KRT8: variants seen among roughly 807,000 people sequenced by gnomAD.
The protein encoded by KRT8 is keratin, type II cytoskeletal 8.
In KRT8, 24 loss-of-function variants were observed where a neutral mutation model predicts 43.0. The observed-to-expected ratio is 0.56, with a 90% CI of 0.40 to 0.78. The LOEUF (loss-of-function observed/expected upper bound fraction) is 0.78. Ranked by LOEUF, KRT8 falls within the 30% of genes least tolerant of loss-of-function variation. The probability of loss-of-function intolerance (pLI) is 0.00; values close to 1 mark genes in which losing one functional copy is unlikely to be tolerated. For synonymous variants in KRT8, 214 were observed against 261.2 expected (o/e 0.82, Z 1.74); for missense variants, 492 against 638.4 (o/e 0.77, Z 2.47).
chr12:52,934,694 T>A (rs1233935952), intron 2 of KRT8, among the ~76,000 whole-genome samples: 1 of 151,616 alleles, frequency 6.6e-6, no homozygotes, highest in East Asian at 1.9e-4. Flanking sequence ...ACAGGCCAGG[T>A]GCGGTGGCTC....
upstream of KRT8, among the ~76,000 whole-genome samples, chr12:52,909,952 T>C (rs1160348571): frequency 6.6e-6 from 1 of 152,164 alleles, no homozygotes; most frequent in African/African-American, 2.4e-5. Context: ...TTTTTCTTTT[T>C]TTTAGAGACA....
chr12:52,912,944 G>A (rs940438712), intron 2 of KRT8, among the ~76,000 whole-genome samples: 13 of 152,230 alleles, frequency 8.5e-5, no homozygotes, highest in African/African-American at 2.2e-4. Context: ...GCTGGGAAGC[G>A]CTTGCTTGCA....
chr12:52,915,113 C>T (rs1941709317), intron 2 of KRT8, among the ~76,000 whole-genome samples: 2 of 152,162 alleles, frequency 1.3e-5, no homozygotes, highest in South Asian at 4.1e-4. Flanking sequence ...GTGGCTCACG[C>T]CTGTAATCCC....
chr12:52,929,041 A>G (rs533600432), intron 2 of KRT8, among the ~76,000 whole-genome samples: 1 of 152,068 alleles, frequency 6.6e-6, no homozygotes, highest in Non-Finnish European at 1.5e-5. Context: ...CTCCTCCTAC[A>G]TCCCCAACCC....
intron 2 of KRT8, chr12:52,926,547 C>T: frequency 8.2e-7 from 1 of 1,217,116 alleles, no homozygotes; most frequent in Non-Finnish European, 1.2e-6. Context: ...CTATAGAGAC[C>T]CCAAGAATAG....
rs183054533 is a variant in KRT8, at chr12:52,922,410, C to T, written c.-46-17383G>A. Among the ~76,000 whole-genome samples, 17 of 152,258 alleles carry T rather than the reference C, an allele frequency of 1.1e-4. No homozygotes were observed. In the East Asian group the frequency reaches 2.5e-3, roughly 22 times the overall value. ...TGAGGAGGCCAGGCACGGTGGCTCACGCCTGTAATCCTAACACTTTAGGAG... is the reference window on the plus strand; with the variant it reads ...TGAGGAGGCCAGGCACGGTGGCTCATGCCTGTAATCCTAACACTTTAGGAG... On this transcript the variant is annotated intron_variant, in intron 2 of 6. Transcript: ENST00000546826.
At chr12:52,925,776 T>C (rs1026996212) in intron 2 of KRT8, among the ~76,000 whole-genome samples, 2 of 152,148 alleles carry the variant, frequency 1.3e-5, no homozygotes, top group Non-Finnish European at 2.9e-5. Flanking sequence ...CAGTTCTTAA[T>C]GGGGCCTAAT....
rs1555189967 is a variant in KRT8 at position 52,938,170 on chromosome 12, A to ATATATATATT, written c.-47+11285_-47+11286insAATATATATA. Among the ~76,000 whole-genome samples, 45 of 30,270 alleles carry ATATATATATT rather than the reference A, an allele frequency of 1.5e-3. 1 individual carries two copies. Among genetic ancestry groups the ATATATATATT allele is most frequent in the East Asian group, 5.7e-3 (5 of 872 alleles). The allele number at this position is 30,270 out of a possible 152,430, so 19.9% of individuals were successfully genotyped here. A position where few individuals can be genotyped will look rare whatever the true frequency, so the allele number is the denominator to read the frequency against. ...TATATATATATATATATATATATAT[A>ATATATATATT]TTTTTTTTTTTTTTTATATATAAGG... On this transcript the variant is annotated intron_variant, in intron 2 of 6. Coordinates refer to the KRT8 transcript ENST00000546826.
intron 7 of KRT8, 81 bp downstream of exon 7, chr12:52,898,380 C>G: frequency 8.0e-7 from 1 of 1,242,590 alleles, no homozygotes; most frequent in Non-Finnish European, 1.2e-6. Context: ...CTGTGAGCGA[C>G]TGAGCACAGC....
intron 2 of KRT8, among the ~76,000 whole-genome samples, chr12:52,931,826 C>A (rs1404355904): frequency 6.6e-6 from 1 of 152,028 alleles, no homozygotes; most frequent in Admixed American, 6.6e-5. Context: ...CCATGTCTGG[C>A]TAATTTTTGT....
intron 2 of KRT8, among the ~76,000 whole-genome samples, chr12:52,926,009 A>AG (rs2120679566): frequency 6.6e-6 from 1 of 152,184 alleles, no homozygotes; most frequent in Admixed American, 6.5e-5. Flanking sequence ...GCTCCCTCCT[A>AG]GCAGGCTGGT....
At chr12:52,918,100 GAAGAAGA>G (rs1409410967) in intron 2 of KRT8, among the ~76,000 whole-genome samples, 4 of 38,664 alleles carry the variant, frequency 1.0e-4, no homozygotes, top group African/African-American at 7.8e-4. Flanking sequence ...AGAAGAAGAG[GAAGAAGA>G]AGAAGAAGAA....
intron 2 of KRT8, among the ~76,000 whole-genome samples, chr12:52,935,323 G>A (rs1400788922): frequency 1.7e-4 from 22 of 131,648 alleles, no homozygotes; most frequent in African/African-American, 5.9e-4. Context: ...AGGTTGCAAT[G>A]AGTCGAGATC....
chr12:52,945,654 T>A (rs563334073), intron 2 of KRT8, among the ~76,000 whole-genome samples: 1 of 152,256 alleles, frequency 6.6e-6, no homozygotes, highest in Non-Finnish European at 1.5e-5. Flanking sequence ...CTGAGTCTAC[T>A]CTGAAGTTAA....
intron 2 of KRT8, among the ~76,000 whole-genome samples, chr12:52,929,486 G>A (rs548659023): frequency 5.9e-5 from 9 of 152,232 alleles, no homozygotes; most frequent in South Asian, 2.1e-4. Flanking sequence ...GAGCCACCTC[G>A]TCCAACCGCC....
chr12:52,922,296 C>T (rs1018048883), intron 2 of KRT8, among the ~76,000 whole-genome samples: 2 of 151,922 alleles, frequency 1.3e-5, no homozygotes, highest in Non-Finnish European at 2.9e-5. Flanking sequence ...CCTTATACCT[C>T]CCTCTCTCCC....
chr12:52,932,997 G>A (rs1942109287), intron 2 of KRT8, among the ~76,000 whole-genome samples: 1 of 152,184 alleles, frequency 6.6e-6, no homozygotes, highest in Admixed American at 6.5e-5. Flanking sequence ...AGGCTGGAGT[G>A]CAGTGGCGCG....
chr12:52,904,524 T>G, intron 1 of KRT8, 134 bp downstream of exon 1: 14 of 829,940 alleles, frequency 1.7e-5, no homozygotes, highest in East Asian at 2.5e-5. Flanking sequence ...AGTCGGAGGA[T>G]GGAAGGGAGA....
chr12:52,948,395 C>T (rs1038909457), intron 2 of KRT8: 1 of 152,580 alleles, frequency 6.6e-6, no homozygotes, highest in African/African-American at 2.4e-5. Context: ...CCCAAGATCC[C>T]CTCCACAAGT....
Sources: gnomAD v4.1 joint callset for allele counts (sites outside exome capture counted in the v4.1 genomes callset) on GRCh38, gnomAD v4.1.1 for gene constraint, MANE v1.5 for transcripts, NCBI Gene and HGNC (gene_info 2026-07-23, HGNC 2026-07-21) for gene names.